Variants in KLF8 observed in about 807,000 individuals in gnomAD.
The protein encoded by KLF8 is Krueppel-like factor 8.
KLF8 carries 10 observed loss-of-function variants against 18.2 expected under a neutral mutation model. That is an observed-to-expected ratio of 0.55 (90% confidence interval 0.34 to 0.93). The LOEUF (loss-of-function observed/expected upper bound fraction) is 0.93. Among genes scored for constraint, KLF8 ranks in the 40% least tolerant of loss-of-function variants. The pLI is 0.02. For synonymous variants in KLF8, 109 were observed against 97.3 expected, an observed-to-expected ratio of 1.12 and a Z score of -0.71; for missense variants, 264 against 277.9, an observed-to-expected ratio of 0.95 and a Z score of 0.36.
the KLF8 span, among the ~76,000 whole-genome samples, chrX:56,137,148 C>A: frequency 9.1e-6 from 1 of 109,700 alleles, no homozygotes; most frequent in East Asian, 2.9e-4. Context: ...CACTTTTACA[C>A]TGTTGGTGGG....
the KLF8 span, among the ~76,000 whole-genome samples, chrX:55,973,767 G>A: frequency 8.9e-6 from 1 of 112,226 alleles, no homozygotes; most frequent in Non-Finnish European, 1.9e-5. Context: ...TTCAGCCACT[G>A]TGGAATGTAG....
At chrX:56,000,550 A>G in the KLF8 span, among the ~76,000 whole-genome samples, 3 of 105,072 alleles carry the variant, frequency 2.9e-5, no homozygotes, top group African/African-American at 6.9e-5. Flanking sequence ...CAAGATTTCT[A>G]TGTCTCCCTG....
At chrX:56,281,629 G>A (rs1041266913) in intron 5 of KLF8, among the ~76,000 whole-genome samples, 58 of 111,240 alleles carry the variant, frequency 5.2e-4, no homozygotes, top group African/African-American at 1.8e-3. Flanking sequence ...GGCTGGTCTC[G>A]AACTCCTGAC....
the KLF8 span, among the ~76,000 whole-genome samples, chrX:56,106,181 G>C: frequency 6.3e-5 from 7 of 111,137 alleles, no homozygotes; most frequent in Admixed American, 4.8e-4. Context: ...TGGTAAATCT[G>C]ATGATTATAT....
chrX:56,110,720 A>T, the KLF8 span, among the ~76,000 whole-genome samples: 1 of 111,350 alleles, frequency 9.0e-6, no homozygotes, highest in Admixed American at 9.5e-5. Flanking sequence ...TATGTCCAAA[A>T]TTTGTTTCTG....
chrX:56,162,265 C>G, the KLF8 span, among the ~76,000 whole-genome samples: 23 of 112,170 alleles, frequency 2.1e-4, no homozygotes, highest in Non-Finnish European at 3.6e-4. Flanking sequence ...TCTCCAGCTG[C>G]ATTCTGGGAG....
chrX:56,029,459 C>G, the KLF8 span, among the ~76,000 whole-genome samples: 3 of 110,775 alleles, frequency 2.7e-5, no homozygotes, highest in East Asian at 8.6e-4. Context: ...GACTCTTGCT[C>G]CTATTATATC....
the KLF8 span, among the ~76,000 whole-genome samples, chrX:56,160,019 G>T: frequency 9.0e-6 from 1 of 111,516 alleles, no homozygotes; most frequent in Non-Finnish European, 1.9e-5. Flanking sequence ...TTCTAATGTG[G>T]GCATTTAGTG....
At chrX:56,169,053 G>T in the KLF8 span, among the ~76,000 whole-genome samples, 2 of 111,419 alleles carry the variant, frequency 1.8e-5, no homozygotes, top group Admixed American at 9.6e-5. Context: ...CCCCTTTCAA[G>T]GCCCTAGCTT....
the KLF8 span, among the ~76,000 whole-genome samples, chrX:55,940,968 C>T: frequency 1.8e-5 from 2 of 111,591 alleles, no homozygotes; most frequent in Non-Finnish European, 3.8e-5. Context: ...TTTATAGATT[C>T]AATGCCATCC....
At chrX:55,995,746 C>T in the KLF8 span, among the ~76,000 whole-genome samples, 3 of 111,681 alleles carry the variant, frequency 2.7e-5, no homozygotes, top group African/African-American at 9.8e-5. Context: ...CTGAAACTTC[C>T]ACTGTTATTG....
At chrX:55,994,135 C>A in the KLF8 span, among the ~76,000 whole-genome samples, 1 of 110,260 alleles carries the variant, frequency 9.1e-6, no homozygotes, top group East Asian at 2.8e-4. Flanking sequence ...TGGTCTCAAT[C>A]TCCTGGCCTC....
At chrX:55,950,068 T>A in the KLF8 span, among the ~76,000 whole-genome samples, 301 of 111,581 alleles carry the variant, frequency 2.7e-3, 2 homozygotes, top group African/African-American at 9.1e-3. Flanking sequence ...ACCTAAGTAA[T>A]GTAGCTTACA....
the KLF8 span, among the ~76,000 whole-genome samples, chrX:56,160,966 T>C: frequency 9.0e-6 from 1 of 111,588 alleles, no homozygotes; most frequent in African/African-American, 3.3e-5. Context: ...CGTTAGTTGA[T>C]GCAGTTTCTT....
chrX:55,918,075 A>G, the KLF8 span, among the ~76,000 whole-genome samples: 16 of 111,918 alleles, frequency 1.4e-4, no homozygotes, highest in African/African-American at 5.2e-4. Context: ...ACTTCTCACT[A>G]TCTTTCCTTG....
the KLF8 span, among the ~76,000 whole-genome samples, chrX:56,165,281 G>C: frequency 1.8e-5 from 2 of 111,958 alleles, no homozygotes. Flanking sequence ...TGCAAAGCCA[G>C]ATTCGAAGCC....
chrX:55,929,148 T>A, the KLF8 span, among the ~76,000 whole-genome samples: 1 of 112,636 alleles, frequency 8.9e-6, no homozygotes, highest in Admixed American at 9.4e-5. Flanking sequence ...TATCATATAT[T>A]TGTTGGCCGC....
At chrX:55,947,048 A>G in the KLF8 span, among the ~76,000 whole-genome samples, 1 of 111,577 alleles carries the variant, frequency 9.0e-6, no homozygotes, top group Non-Finnish European at 1.9e-5. Flanking sequence ...GGGACTGTAA[A>G]CTAGTTCAAC....
intron 5 of KLF8, among the ~76,000 whole-genome samples, chrX:56,280,617 C>G (rs1001072356): frequency 9.8e-5 from 11 of 111,984 alleles, no homozygotes; most frequent in African/African-American, 3.6e-4. Flanking sequence ...ATGGCTAAGA[C>G]TATGTATTGT....
Sources: allele counts gnomAD v4.1 joint callset (sites outside exome capture counted in the v4.1 genomes callset), GRCh38; gene constraint gnomAD v4.1.1; transcripts MANE v1.5; gene names NCBI Gene and HGNC (gene_info 2026-07-23, HGNC 2026-07-21).